Variants in IGF2BP2 observed in about 807,000 individuals in gnomAD.
IGF2BP2 encodes insulin-like growth factor 2 mRNA-binding protein 2.
Under a neutral mutation model 75.8 loss-of-function variants are expected in IGF2BP2, and 17 were observed. The observed-to-expected ratio is 0.22, with a 90% CI of 0.15 to 0.34. The LOEUF (loss-of-function observed/expected upper bound fraction) is 0.34. Ranked by LOEUF, IGF2BP2 falls within the 10% of genes least tolerant of loss-of-function variation. IGF2BP2 has a pLI of 1.00. For missense variants in IGF2BP2, 516 were observed against 772.4 expected (o/e 0.67, Z 3.93); for synonymous variants, 288 against 295.6 (o/e 0.97, Z 0.26).
At chr3:185,786,169 G>A (rs1735860416) in intron 2 of IGF2BP2, among the ~76,000 whole-genome samples, 1 of 151,432 alleles carries the variant, frequency 6.6e-6, no homozygotes, top group Non-Finnish European at 1.5e-5. Flanking sequence ...ATCTGTTGAT[G>A]TACTGCGTCC....
intron 4 of IGF2BP2, among the ~76,000 whole-genome samples, chr3:185,696,089 G>A (rs539328131): frequency 2.6e-5 from 4 of 152,102 alleles, no homozygotes; most frequent in South Asian, 4.2e-4. Flanking sequence ...ACCTGGCCTC[G>A]GGTGCTTTTT....
chr3:185,716,315 A>G (rs1725604551), intron 2 of IGF2BP2: 2 of 394,430 alleles, frequency 5.1e-6, no homozygotes, highest in East Asian at 5.9e-5. Context: ...TATTTTCTGC[A>G]GCATTTATCC....
rs113939069 is a variant in IGF2BP2 at position 185,780,214 on chromosome 3, C to A, written c.239+42939G>T. 2.1e-3 allele frequency among the ~76,000 whole-genome samples: 313 copies of A among 152,012 alleles called. 3 individuals carry two copies. Among genetic ancestry groups the A allele is most frequent in the Non-Finnish European group, 3.2e-3 (221 of 68,010 alleles). ...GCATATGTAAAGGAAGAGAAAAGGTCTGGAAAGACAGATAATGAAAGGAAA... is the reference window on the plus strand; with the variant it reads ...GCATATGTAAAGGAAGAGAAAAGGTATGGAAAGACAGATAATGAAAGGAAA... On this transcript the variant is annotated intron_variant, in intron 2 of 15. Coordinates refer to ENST00000382199, the MANE Select transcript of IGF2BP2 (RefSeq NM_006548.6).
chr3:185,665,986 ATAGG>A (rs1164583108), intron 10 of IGF2BP2, among the ~76,000 whole-genome samples: 26 of 145,456 alleles, frequency 1.8e-4, no homozygotes, highest in African/African-American at 5.4e-4. Flanking sequence ...AGATAGATAG[ATAGG>A]TAGATAGGTA....
At chr3:185,816,251 C>A (rs1406217699) in intron 2 of IGF2BP2, among the ~76,000 whole-genome samples, 1 of 152,218 alleles carries the variant, frequency 6.6e-6, no homozygotes, top group Non-Finnish European at 1.5e-5. Context: ...AGGAACACAA[C>A]TGCCGAAAAA....
chr3:185,713,899 C>T (rs1044675830), intron 2 of IGF2BP2, among the ~76,000 whole-genome samples: 2 of 152,200 alleles, frequency 1.3e-5, no homozygotes, highest in Non-Finnish European at 2.9e-5. Context: ...TGGGGTTTCA[C>T]CATGTTGGCC....
rs969598066 is a variant in IGF2BP2, at chr3:185,718,938, C to T, written c.240-20591G>A. 3.9e-5 allele frequency among the ~76,000 whole-genome samples: 6 copies of T among 152,272 alleles called. No individual in the cohort carries two copies. In the East Asian group the frequency reaches 1.2e-3, roughly 29 times the overall value. On this transcript the variant is annotated intron_variant, in intron 2 of 15. Coordinates refer to ENST00000382199, the MANE Select transcript of IGF2BP2 (RefSeq NM_006548.6). ...CTTCCCAAGAAGCTGCTCCTTACAG[C>T]TTACAGGACCACATTCTTGGGAAGC...
chr3:185,793,494 T>C (rs1578323293), intron 2 of IGF2BP2, among the ~76,000 whole-genome samples: 1 of 151,992 alleles, frequency 6.6e-6, no homozygotes, highest in Admixed American at 6.6e-5. Context: ...TGACAGTCTG[T>C]GTGTGTGTGT....
intron 2 of IGF2BP2, among the ~76,000 whole-genome samples, chr3:185,706,950 T>C (rs1336667098): frequency 6.6e-6 from 1 of 152,086 alleles, no homozygotes; most frequent in Non-Finnish European, 1.5e-5. Flanking sequence ...CCATGTTGCC[T>C]AGGCTGATCT....
rs367761783 is a variant in IGF2BP2 at position 185,715,264 on chromosome 3, G to A, written c.240-16917C>T. On this transcript the variant is annotated intron_variant, in intron 2 of 15. Transcript: ENST00000382199. The stretch of plus-strand genomic sequence containing the variant: ...TGAGGAATCTCAAGTCCTCTGATTT[G>A]AGAGGAGCAGAGAATGCTTCCAAGG... Among the ~76,000 whole-genome samples, 8 of 152,236 alleles carry A rather than the reference G, an allele frequency of 5.3e-5. No homozygotes were observed. In the East Asian group the frequency reaches 7.7e-4, roughly 15 times the overall value.
intron 2 of IGF2BP2, among the ~76,000 whole-genome samples, chr3:185,753,496 C>T (rs1460868237): frequency 6.6e-6 from 1 of 152,134 alleles, no homozygotes; most frequent in Admixed American, 6.5e-5. Flanking sequence ...ACAAGTCATA[C>T]CTGGGGTGGC....
intron 2 of IGF2BP2, among the ~76,000 whole-genome samples, chr3:185,822,636 C>T (rs1741508863): frequency 1.3e-5 from 2 of 152,198 alleles, no homozygotes; most frequent in Admixed American, 1.3e-4. Flanking sequence ...TAACTGCCAT[C>T]CAATCCAAAC....
rs1037481835 is a variant in IGF2BP2, at chr3:185,644,841, C to T, written c.*690G>A. 4.6e-5 allele frequency: 7 copies of T among 152,598 alleles called. No homozygotes were observed. The highest frequency in any genetic ancestry group is 1.7e-4 in the African/African-American group (7 of 41,444). 9.5% of individuals were successfully genotyped at this position (152,598 alleles called of 1,614,324 possible). A position where few individuals can be genotyped will look rare whatever the true frequency, so the allele number is the denominator to read the frequency against. On this transcript the variant is annotated 3_prime_UTR_variant, in exon 16 of 16. Transcript: ENST00000382199. ...ACGGTATCCCTTCTGTTGACATACA[C>T]AGGTGATCCAGAACTGCCGTGAGTG...
At chr3:185,660,855 C>A (rs998391640) in intron 10 of IGF2BP2, among the ~76,000 whole-genome samples, 1 of 152,166 alleles carries the variant, frequency 6.6e-6, no homozygotes, top group Admixed American at 6.5e-5. Flanking sequence ...CCTGAAGAAT[C>A]GTTCCTTCAG....
intron 1 of IGF2BP2, 67 bp from the exon 2 acceptor site, chr3:185,823,280 C>A: frequency 5.5e-6 from 7 of 1,268,204 alleles, no homozygotes; most frequent in South Asian, 5.3e-5. Context: ...CTAGGGGGGG[C>A]ACGCACGGAA....
chr3:185,665,296 G>GAGAAGGAGAAGGAGC (rs1560250433), intron 10 of IGF2BP2, among the ~76,000 whole-genome samples: 32 of 120,536 alleles, frequency 2.7e-4, no homozygotes, highest in Non-Finnish European at 4.3e-4. Context: ...GAAGAAGGAG[G>GAGAAGGAGAAGGAGC]AGAAGGAGAA....
chr3:185,788,768 G>A (rs973420947), intron 2 of IGF2BP2, among the ~76,000 whole-genome samples: 4 of 143,304 alleles, frequency 2.8e-5, no homozygotes, highest in South Asian at 2.2e-4. Context: ...AGGCTGGAGC[G>A]CAGTGGCGCG....
chr3:185,704,070 C>A (rs1350069143), intron 2 of IGF2BP2, among the ~76,000 whole-genome samples: 6 of 152,098 alleles, frequency 3.9e-5, no homozygotes, highest in Non-Finnish European at 8.8e-5. Context: ...CTTGTGAGAG[C>A]GTCCTTTGGG....
At chr3:185,776,195 C>T (rs1734515255) in intron 2 of IGF2BP2, among the ~76,000 whole-genome samples, 2 of 152,054 alleles carry the variant, frequency 1.3e-5, no homozygotes, top group Non-Finnish European at 2.9e-5. Context: ...TAGTAAGCTA[C>T]GATCATGCCA....
Sources: gnomAD v4.1 joint callset for allele counts (sites outside exome capture counted in the v4.1 genomes callset) on GRCh38, gnomAD v4.1.1 for gene constraint, MANE v1.5 for transcripts, NCBI Gene and HGNC (gene_info 2026-07-23, HGNC 2026-07-21) for gene names.